SLC4A8: variants seen among roughly 807,000 people sequenced by gnomAD.
SLC4A8 encodes electroneutral sodium bicarbonate exchanger 1.
SLC4A8 carries 40 observed loss-of-function variants against 125.0 expected under a neutral mutation model. The ratio of observed to expected loss-of-function variants is 0.32; its 90% CI spans 0.25 to 0.42. The LOEUF is 0.42. Ranked by LOEUF, SLC4A8 falls within the 10% of genes least tolerant of loss-of-function variation. SLC4A8 has a pLI of 1.00. For missense variants in SLC4A8, 863 were observed against 1,355.1 expected, an observed-to-expected ratio of 0.64 and a Z score of 5.70; for synonymous variants, 456 against 476.0, an observed-to-expected ratio of 0.96 and a Z score of 0.55.
In SLC4A8 at chr12:51,425,101, C is replaced by T. The variant is rs1402380986; in HGVS notation, c.48+66C>T. 11 of 1,515,628 alleles carry T rather than the reference C, an allele frequency of 7.3e-6. No homozygotes were observed. In the Admixed American group the frequency reaches 2.0e-4, roughly 28 times the overall value. The allele number at this position is 1,515,628 out of a possible 1,614,324, so 93.9% of individuals were successfully genotyped here. A position where few individuals can be genotyped will look rare whatever the true frequency, so the allele number is the denominator to read the frequency against. On this transcript the variant is annotated intron_variant, in intron 1 of 24. Coordinates refer to ENST00000453097, the MANE Select transcript of SLC4A8 (RefSeq NM_001039960.3). ...CGCAGCCTCCTCATCCTCTGCCCAC[C>T]CTCCTTCCTTCTGCCCCCGAGCCCA...
intron 9 of SLC4A8, 195 bp downstream of exon 9, chr12:51,461,486 C>G (rs1950322463): frequency 6.6e-6 from 3 of 456,080 alleles, no homozygotes; most frequent in Admixed American, 7.4e-5. Flanking sequence ...CCTATGTTAT[C>G]TCTCCTTTTT....
At chr12:51,463,822 T>G in intron 11 of SLC4A8, 108 bp downstream of exon 11, 1 of 708,480 alleles carries the variant, frequency 1.4e-6, no homozygotes, top group Non-Finnish European at 2.4e-6. Flanking sequence ...GGGAATTTAT[T>G]GGCTGAAGAA....
At chr12:51,393,068 C>G (rs1450843851) in intron 1 of SLC4A8, among the ~76,000 whole-genome samples, 1 of 150,600 alleles carries the variant, frequency 6.6e-6, no homozygotes, top group Non-Finnish European at 1.5e-5. Flanking sequence ...CTCTGTCTCT[C>G]CTTTCTCTCT....
At chr12:51,459,822 T>A (rs986889677) in intron 7 of SLC4A8, 129 bp from the exon 8 acceptor site, 15 of 729,536 alleles carry the variant, frequency 2.1e-5, no homozygotes, top group Non-Finnish European at 2.7e-5. Context: ...TGAGCTGAGA[T>A]TGCGCCACTG....
intron 19 of SLC4A8, among the ~76,000 whole-genome samples, chr12:51,490,383 G>A (rs145272607): frequency 2.5e-4 from 38 of 151,776 alleles, no homozygotes; most frequent in African/African-American, 8.7e-4. Flanking sequence ...GTGAAACCTC[G>A]TCTCTACTAA....
rs573925658 is a variant in SLC4A8 at position 51,489,322 on chromosome 12, G to A, written c.2449-378G>A. Among the ~76,000 whole-genome samples, 8 of 152,244 alleles carry A rather than the reference G, an allele frequency of 5.3e-5. 1 individual carries two copies. The highest frequency in any genetic ancestry group is 1.9e-4 in the African/African-American group (8 of 41,546). ...ATCCAAATCTGTCAAGGATCTGGGG[G>A]TATGTGGTAGGAAGCCAATAAGGAC... On this transcript the variant is annotated intron_variant, in intron 18 of 24. Coordinates refer to ENST00000453097, the MANE Select transcript of SLC4A8 (RefSeq NM_001039960.3).
chr12:51,477,529 A>G (rs1207633633), intron 16 of SLC4A8, among the ~76,000 whole-genome samples: 1 of 152,216 alleles, frequency 6.6e-6, no homozygotes, highest in African/African-American at 2.4e-5. Context: ...GCAGCATTAT[A>G]TTGTACTTTG....
Position 51,459,990 on chromosome 12 carries a change from G to C in SLC4A8, c.895G>C (p.Glu299Gln). Reference sequence around the variant, plus strand: ...CATGAAAAAAATTCCTACTGGGGCCGAGGCCTCCAATGTCCTGGTTGGAGA... The same window carrying C: ...CATGAAAAAAATTCCTACTGGGGCCCAGGCCTCCAATGTCCTGGTTGGAGA... ...HFMKKIPTGA[E>Q]ASNVLVGEVD... Residue 299 changes from glutamate to glutamine, a missense_variant, in exon 8 of 25, where the codon GAG becomes CAG. Coordinates refer to ENST00000453097, the MANE Select transcript of SLC4A8 (RefSeq NM_001039960.3). The C allele has an allele frequency of 6.2e-7, 1 of 1,613,454 alleles. No homozygotes were observed. The highest frequency in any genetic ancestry group is 8.5e-7 in the Non-Finnish European group (1 of 1,179,406).
intron 1 of SLC4A8, chr12:51,402,949 C>T (rs1344601791): frequency 3.2e-6 from 1 of 314,866 alleles, no homozygotes; most frequent in South Asian, 2.7e-5. Flanking sequence ...GACTGGGGGT[C>T]CCTGATAGAA....
Position 51,514,727 on chromosome 12 carries a change from A to G in SLC4A8, c.*7289A>G, listed in dbSNP as rs1424177714. The stretch of plus-strand genomic sequence containing the variant: ...TGATTCTTGGTTCCCTTGGTCTCTT[A>G]ATATTAATTATAGAGAATGGGCAGT... On this transcript the variant is annotated 3_prime_UTR_variant, in exon 25 of 25. Coordinates refer to ENST00000453097, the MANE Select transcript of SLC4A8 (RefSeq NM_001039960.3). 1 of 152,176 alleles carries G rather than the reference A, an allele frequency of 6.6e-6. No homozygotes were observed. The allele number at this position is 152,176 out of a possible 1,614,324, so 9.4% of individuals were successfully genotyped here.
rs868110510 is a variant in SLC4A8, at chr12:51,447,318, C to T, written c.131-3558C>T. The stretch of plus-strand genomic sequence containing the variant: ...AGTTGCCCAAGCTGGTCTCAAACTC[C>T]TGGCCTTAAACAGTCTTCCTGCCTT... On this transcript the variant is annotated intron_variant, in intron 2 of 24. Transcript: ENST00000453097. Among the ~76,000 whole-genome samples, 20 of 152,152 alleles carry T rather than the reference C, an allele frequency of 1.3e-4. No individual in the cohort carries two copies. The East Asian group carries it at 2.9e-3, about 22-fold the overall frequency.
At chr12:51,407,517 C>T (rs1333226483) in intron 1 of SLC4A8, among the ~76,000 whole-genome samples, 1 of 152,018 alleles carries the variant, frequency 6.6e-6, no homozygotes. Flanking sequence ...AATCTGCCCA[C>T]CTTGGCCTCC....
intron 2 of SLC4A8, among the ~76,000 whole-genome samples, chr12:51,444,586 C>T (rs1378517260): frequency 2.6e-5 from 4 of 152,172 alleles, no homozygotes; most frequent in African/African-American, 9.7e-5. Context: ...CCAAGCAAAA[C>T]CATATATTAT....
At position 51,510,423 on chromosome 12, in the gene SLC4A8, C is replaced by T. The variant is rs1437237569; in HGVS notation, c.*2985C>T. The T allele has an allele frequency of 1.6e-4, 14 of 85,766 alleles. No individual in the cohort carries two copies. The highest frequency in any genetic ancestry group is 3.5e-4 in the East Asian group (1 of 2,860). 5.3% of individuals were successfully genotyped at this position (85,766 alleles called of 1,614,324 possible). On this transcript the variant is annotated 3_prime_UTR_variant, in exon 25 of 25. Coordinates refer to ENST00000453097, the MANE Select transcript of SLC4A8 (RefSeq NM_001039960.3). ...TGGGTGACAGAGCAAGACTCCATTT[C>T]AAAAAAAAAAAAAAAAAAAAACTTC...
intron 22 of SLC4A8, among the ~76,000 whole-genome samples, chr12:51,498,879 C>CAAAAAA: frequency 2.8e-5 from 1 of 35,904 alleles, no homozygotes; most frequent in Non-Finnish European, 4.4e-5. Context: ...GATCCTGTCT[C>CAAAAAA]AAAAAAAAAA....
intron 3 of SLC4A8, among the ~76,000 whole-genome samples, chr12:51,451,635 A>G (rs570965795): frequency 6.6e-6 from 1 of 152,270 alleles, no homozygotes; most frequent in Non-Finnish European, 1.5e-5. Flanking sequence ...CTAAAGACAA[A>G]CTTTAGGTGT....
chr12:51,484,598 C>T (rs555145019), intron 16 of SLC4A8, among the ~76,000 whole-genome samples: 5 of 152,126 alleles, frequency 3.3e-5, no homozygotes, highest in Non-Finnish European at 5.9e-5. Context: ...GGCTTCAAAG[C>T]AAAGTGAAGT....
intron 16 of SLC4A8, among the ~76,000 whole-genome samples, chr12:51,482,629 G>A (rs1364387309): frequency 1.3e-5 from 2 of 152,166 alleles, no homozygotes; most frequent in East Asian, 1.9e-4. Flanking sequence ...ATCCACCCAC[G>A]TCAGCCTCCC....
At chr12:51,478,714 C>T (rs1950932272) in intron 16 of SLC4A8, among the ~76,000 whole-genome samples, 1 of 152,116 alleles carries the variant, frequency 6.6e-6, no homozygotes, top group Non-Finnish European at 1.5e-5. Context: ...AAGGATTTTT[C>T]CAGAAACTGT....
Sources: gnomAD v4.1 joint callset for allele counts (sites outside exome capture counted in the v4.1 genomes callset) on GRCh38, gnomAD v4.1.1 for gene constraint, MANE v1.5 for transcripts, NCBI Gene and HGNC (gene_info 2026-07-23, HGNC 2026-07-21) for gene names.